Variants in NME1 observed in about 807,000 individuals in gnomAD.
NME1 encodes the protein nucleoside diphosphate kinase A.
A neutral mutation model predicts 17.2 loss-of-function variants in NME1; 9 were observed. The ratio of observed to expected loss-of-function variants is 0.52; its 90% CI spans 0.32 to 0.92. The LOEUF is 0.92. Among genes scored for constraint, NME1 ranks in the 40% least tolerant of loss-of-function variants. The probability of loss-of-function intolerance (pLI) is 0.04; values close to 1 mark genes in which losing one functional copy is unlikely to be tolerated. For missense variants in NME1, 169 were observed against 201.7 expected (o/e 0.84, Z 0.98); for synonymous variants, 72 against 70.8 (o/e 1.02, Z -0.09).
chr17:51,154,138 C>G (rs1399238031), intron 1 of NME1: 7 of 527,742 alleles, frequency 1.3e-5, no homozygotes, highest in Non-Finnish European at 2.1e-5. Flanking sequence ...TCTCCGCAGT[C>G]TTTGGGCTTT....
chr17:51,154,376 G>A, intron 1 of NME1: 1 of 1,614,006 alleles, frequency 6.2e-7, no homozygotes, highest in South Asian at 1.1e-5. Flanking sequence ...GCCAAGAGAT[G>A]GTGCTACTGT....
chr17:51,155,881 G>A (rs1598235865), intron 2 of NME1, 101 bp downstream of exon 2: 54 of 1,569,534 alleles, frequency 3.4e-5, no homozygotes, highest in Non-Finnish European at 4.1e-5. Flanking sequence ...AGTTCTCCAC[G>A]GTAGAGTGAA....
chr17:51,159,872 G>A (rs976538827), intron 2 of NME1, 108 bp from the exon 3 acceptor site: 30 of 1,310,582 alleles, frequency 2.3e-5, no homozygotes, highest in Non-Finnish European at 3.2e-5. Context: ...GAATCAGTGA[G>A]CCCAACCGCT....
intron 1 of NME1, 21 bp from the exon 2 acceptor site, chr17:51,155,629 TC>T: frequency 6.2e-7 from 1 of 1,613,052 alleles, no homozygotes; most frequent in Non-Finnish European, 8.5e-7. Context: ...GCTGTTTCAT[TC>T]CTCTACCTGC....
intron 1 of NME1, chr17:51,154,440 A>G (rs200670195): frequency 3.8e-5 from 62 of 1,613,906 alleles, no homozygotes; most frequent in Non-Finnish European, 4.8e-5. Flanking sequence ...AAGCTGTGAT[A>G]CAGGGTAGGT....
At chr17:51,159,519 C>A (rs1406668016) in intron 2 of NME1, among the ~76,000 whole-genome samples, 1 of 152,312 alleles carries the variant, frequency 6.6e-6, no homozygotes, top group East Asian at 1.9e-4. Flanking sequence ...ATCACTTGAA[C>A]CCAGGAGGTG....
chr17:51,160,282 G>T, intron 3 of NME1: 2 of 688,240 alleles, frequency 2.9e-6, no homozygotes, highest in Non-Finnish European at 5.2e-6. Flanking sequence ...CTTTAGATTG[G>T]GTGATCAAAG....
intron 2 of NME1, among the ~76,000 whole-genome samples, chr17:51,157,930 G>A (rs2049810135): frequency 6.6e-6 from 1 of 152,078 alleles, no homozygotes; most frequent in South Asian, 2.1e-4. Context: ...GAGAACTTGA[G>A]GTTCCCAACC....
At chr17:51,156,511 A>T (rs1030271608) in intron 2 of NME1, 2 of 152,824 alleles carry the variant, frequency 1.3e-5, no homozygotes, top group Admixed American at 6.5e-5. Flanking sequence ...ACATTGTGAA[A>T]CCCCGTCTCT....
intron 2 of NME1, 95 bp from the exon 3 acceptor site, chr17:51,159,885 T>G: frequency 6.9e-7 from 1 of 1,451,174 alleles, no homozygotes. Context: ...CAACCGCTCA[T>G]GTTTTACATA....
rs199977122 is a variant in NME1 at position 51,160,039 on chromosome 17, C to T, written c.186C>T (p.Ala62=). 1.6e-5 allele frequency: 26 copies of T among 1,614,094 alleles called. No homozygotes were observed. Among genetic ancestry groups the T allele is most frequent in the South Asian group, 1.3e-4 (12 of 91,070 alleles). ...ACCTGAAGGACCGTCCATTCTTTGCCGGCCTGGTGAAATACATGCACTCAG... is the reference window on the plus strand; with the variant it reads ...ACCTGAAGGACCGTCCATTCTTTGCTGGCCTGGTGAAATACATGCACTCAG... The part of the protein sequence containing the change: ...YVDLKDRPFF[A]GLVKYMHSGP... The change falls in exon 3 of 5, where the codon GCC becomes GCT. Residue 62 remains alanine (A), a synonymous_variant. Coordinates refer to ENST00000393196, the MANE Select transcript of NME1 (RefSeq NM_000269.3).
chr17:51,161,335 T>A, intron 4 of NME1, 63 bp downstream of exon 4: 1 of 1,462,610 alleles, frequency 6.8e-7, no homozygotes, highest in Non-Finnish European at 9.4e-7. Context: ...AGGATTTGGG[T>A]TTCCGAGGCT....
intron 2 of NME1, 22 bp downstream of exon 2, chr17:51,155,802 C>T (rs2049778037): frequency 1.9e-6 from 3 of 1,612,274 alleles, no homozygotes; most frequent in Non-Finnish European, 2.5e-6. Context: ...TCATTGTTCC[C>T]ATTTTGATTC....
chr17:51,154,159 C>CTTT, intron 1 of NME1: 20 of 457,524 alleles, frequency 4.4e-5, no homozygotes, highest in South Asian at 1.1e-4. Context: ...GTCTCTCTCT[C>CTTT]TTTTTTTTTT....
rs2049868625 is a variant in NME1, at chr17:51,161,829, A to T, written c.443A>T (p.Asn148Ile). The T allele has an allele frequency of 6.2e-7, 1 of 1,612,070 alleles. No individual in the cohort carries two copies. The highest frequency in any genetic ancestry group is 8.5e-7 in the Non-Finnish European group (1 of 1,178,300). Residue 148 changes from asparagine to isoleucine, a missense_variant, in exon 5 of 5, where the codon AAC becomes ATC. Physicochemically the swap from Asn to Ile is moderately radical, Grantham distance 149. Coordinates refer to ENST00000393196, the MANE Select transcript of NME1 (RefSeq NM_000269.3). Reference sequence around the variant, plus strand: ...GTAGATTACACGAGCTGTGCTCAGAACTGGATCTATGAATGACAGGAGGGC... The same window carrying T: ...GTAGATTACACGAGCTGTGCTCAGATCTGGATCTATGAATGACAGGAGGGC... The part of the protein sequence containing the change: ...ELVDYTSCAQ[N>I]WIYE
At chr17:51,160,320 T>C in intron 3 of NME1, 1 of 600,130 alleles carries the variant, frequency 1.7e-6, no homozygotes, top group South Asian at 1.7e-5. Flanking sequence ...GTGATCTGAA[T>C]GACAAGAAGC....
intron 3 of NME1, chr17:51,160,724 C>CTT (rs1410358271): frequency 3.3e-6 from 1 of 307,498 alleles, no homozygotes; most frequent in Non-Finnish European, 6.2e-6. Context: ...ATTCTCCTGC[C>CTT]TTAGCCTCCT....
chr17:51,157,812 A>T (rs2049808424), intron 2 of NME1, among the ~76,000 whole-genome samples: 1 of 152,062 alleles, frequency 6.6e-6, no homozygotes, highest in South Asian at 2.1e-4. Context: ...TCTCCTTTAC[A>T]TTGAATTTCC....
At chr17:51,157,201 C>T (rs958503155) in intron 2 of NME1, among the ~76,000 whole-genome samples, 4 of 150,960 alleles carry the variant, frequency 2.6e-5, no homozygotes, top group East Asian at 1.9e-4. Context: ...TGGGAGGCTC[C>T]GTCTCCAAAA....
Sources: gnomAD v4.1 joint callset for allele counts (sites outside exome capture counted in the v4.1 genomes callset) on GRCh38, gnomAD v4.1.1 for gene constraint, MANE v1.5 for transcripts, NCBI Gene and HGNC (gene_info 2026-07-23, HGNC 2026-07-21) for gene names.